Variants in ZFAT observed in about 807,000 individuals in gnomAD.
ZFAT encodes zinc finger protein ZFAT.
A neutral mutation model predicts 117.7 loss-of-function variants in ZFAT; 64 were observed. The observed-to-expected ratio is 0.54, with a 90% confidence interval of 0.44 to 0.67. The LOEUF (loss-of-function observed/expected upper bound fraction) is 0.67, where lower values mean the gene tolerates loss of function less well. ZFAT is among the 30% of genes least tolerant of loss of function. The pLI is 0.00. For missense variants in ZFAT, 1,433 were observed against 1,584.5 expected, an observed-to-expected ratio of 0.90 and a Z score of 1.62; for synonymous variants, 679 against 615.0, an observed-to-expected ratio of 1.10 and a Z score of -1.54.
Position 134,583,988 on chromosome 8 carries a change from A to G in ZFAT, c.2731T>C (p.Cys911Arg). The change falls in exon 10 of 16, where the codon TGT (cysteine) becomes CGT (arginine). Residue 911 changes from cysteine to arginine, a missense_variant. Physicochemically the swap from Cys to Arg is radical, Grantham distance 180 (BLOSUM62 -3). Around this residue, in one of 5 missense-constraint regions of ZFAT, gnomAD observed 503 missense variants for 543.4 expected, o/e 0.93. Transcript: ENST00000377838. ...CGAGTTGCATACTCACACAAAGAACACTTGAAGGGCTTCACACCTGCCAAG... is the reference window on the plus strand; with the variant it reads ...CGAGTTGCATACTCACACAAAGAACGCTTGAAGGGCTTCACACCTGCCAAG... ...WAHEGVKPFK[C>R]SLCEYATRSK... 1 of 1,557,346 alleles carries G rather than the reference A, an allele frequency of 6.4e-7. No homozygotes were observed. Among genetic ancestry groups the G allele is most frequent in the Non-Finnish European group, 8.7e-7 (1 of 1,149,594 alleles).
chr8:134,799,141 A>G, the ZFAT span, among the ~76,000 whole-genome samples: 1 of 152,182 alleles, frequency 6.6e-6, no homozygotes, highest in Non-Finnish European at 1.5e-5. Flanking sequence ...CAAATAAAAT[A>G]TATAATTAGA....
chr8:134,494,577 C>T lies in ZFAT; in HGVS notation c.3492+15042G>A, dbSNP rs558243839. On this transcript the variant is annotated intron_variant, in intron 15 of 15. Coordinates refer to ENST00000377838, the MANE Select transcript of ZFAT (RefSeq NM_020863.4). ...GAACATGAGTGACCTGAAGCCTCCA[C>T]GGAACCCCACCAGGGCCTTGCTGGT... Among the ~76,000 whole-genome samples the T allele has an allele frequency of 4.8e-4, 73 of 152,278 alleles. 1 individual carries two copies. The highest frequency in any genetic ancestry group is 9.0e-4 in the Non-Finnish European group (61 of 68,034).
intron 1 of ZFAT, among the ~76,000 whole-genome samples, chr8:134,671,976 C>A (rs1459132003): frequency 6.6e-6 from 1 of 152,098 alleles, no homozygotes; most frequent in Non-Finnish European, 1.5e-5. Flanking sequence ...AAACAGAGAG[C>A]CAAATCATGA....
the ZFAT span, among the ~76,000 whole-genome samples, chr8:134,807,410 C>G: frequency 1.9e-4 from 28 of 151,292 alleles, no homozygotes; most frequent in Admixed American, 1.8e-3. Context: ...CAGGAAACAA[C>G]ATTTTGTAAC....
At chr8:134,783,124 T>C in the ZFAT span, among the ~76,000 whole-genome samples, 8 of 152,214 alleles carry the variant, frequency 5.3e-5, no homozygotes, top group Non-Finnish European at 1.0e-4. Context: ...CTTCTGTTAC[T>C]TTTTTCTCCA....
chr8:134,513,018 G>A (rs115591077), intron 13 of ZFAT, among the ~76,000 whole-genome samples: 5,393 of 152,252 alleles, frequency 0.035, 320 homozygotes, highest in African/African-American at 0.12. Flanking sequence ...AGAGGAAGGG[G>A]CACAGCCATG....
chr8:134,829,346 G>A, the ZFAT span, among the ~76,000 whole-genome samples: 1 of 152,174 alleles, frequency 6.6e-6, no homozygotes, highest in African/African-American at 2.4e-5. Context: ...GGCCCGGGGA[G>A]GCCAAAAGAT....
the ZFAT span, chr8:134,723,186 G>C: frequency 6.6e-6 from 1 of 152,254 alleles, no homozygotes; most frequent in African/African-American, 2.4e-5. Context: ...CCAATCCCTG[G>C]AGTAACAGGG....
the ZFAT span, among the ~76,000 whole-genome samples, chr8:134,775,560 G>A: frequency 1.3e-5 from 2 of 152,154 alleles, no homozygotes; most frequent in African/African-American, 4.8e-5. Flanking sequence ...CTTGTCCCGA[G>A]AGCCATGAAT....
the ZFAT span, among the ~76,000 whole-genome samples, chr8:134,773,980 ATTAATTTTTTTTTT>A: frequency 2.4e-5 from 3 of 123,632 alleles, no homozygotes; most frequent in African/African-American, 1.0e-4. Flanking sequence ...GAGCTTGAGG[ATTAATTTTTTTTTT>A]TTTTTTTTTT....
chr8:134,499,434 G>T (rs1443119202), intron 15 of ZFAT, among the ~76,000 whole-genome samples: 1 of 148,876 alleles, frequency 6.7e-6, no homozygotes, highest in African/African-American at 2.5e-5. Flanking sequence ...AGCGTGATTT[G>T]GTAGGGTTGG....
chr8:134,507,575 G>A (rs777395661), intron 15 of ZFAT, among the ~76,000 whole-genome samples: 38 of 152,250 alleles, frequency 2.5e-4, no homozygotes, highest in Middle Eastern at 3.4e-3. Flanking sequence ...TTCTCCTCCC[G>A]CAAACACATT....
chr8:134,533,091 C>A, intron 11 of ZFAT, 119 bp from the exon 12 acceptor site: 3 of 1,419,902 alleles, frequency 2.1e-6, no homozygotes, highest in Non-Finnish European at 2.8e-6. Flanking sequence ...GCCCCATCAC[C>A]TGTGATATGT....
chr8:134,482,987 G>A lies in ZFAT; in HGVS notation c.3493-4266C>T, dbSNP rs143059189. On this transcript the variant is annotated intron_variant, in intron 15 of 15. Transcript: ENST00000377838. ...AGACGCTGCCCACACAGATGTCCAC[G>A]TCACAAAAAGCTAACGTGTAGAGAG... is the stretch of plus-strand genomic sequence containing the variant. Among the ~76,000 whole-genome samples the A allele has an allele frequency of 4.6e-5, 7 of 152,254 alleles. No homozygotes were observed. In the East Asian group the frequency reaches 1.2e-3, roughly 25 times the overall value.
At chr8:134,797,704 T>C in the ZFAT span, 2 of 151,952 alleles carry the variant, frequency 1.3e-5, no homozygotes, top group African/African-American at 4.8e-5. Flanking sequence ...CTAGTTGTTT[T>C]TCATAAAAGT....
intron 15 of ZFAT, among the ~76,000 whole-genome samples, chr8:134,499,477 A>T (rs1384188757): frequency 1.3e-4 from 19 of 146,840 alleles, no homozygotes; most frequent in Middle Eastern, 3.6e-3. Flanking sequence ...TGCTGGTTAC[A>T]CACAGAGCCT....
Position 134,590,049 on chromosome 8 carries a change from G to T in ZFAT, c.2563+219C>A, listed in dbSNP as rs369404087. Among the ~76,000 whole-genome samples, 4 of 152,326 alleles carry T rather than the reference G, an allele frequency of 2.6e-5. No individual in the cohort carries two copies. In the East Asian group the frequency reaches 7.7e-4, roughly 29 times the overall value. On this transcript the variant is annotated intron_variant, in intron 8 of 15. Transcript: ENST00000377838. ...AGAGGGTATCACTGAAATTGCAGGGGTGAGGGTTGATGCATCTGAAGACCA... is the reference window on the plus strand; with the variant it reads ...AGAGGGTATCACTGAAATTGCAGGGTTGAGGGTTGATGCATCTGAAGACCA...
chr8:134,827,961 T>G, the ZFAT span, among the ~76,000 whole-genome samples: 1 of 152,184 alleles, frequency 6.6e-6, no homozygotes, highest in Admixed American at 6.5e-5. Flanking sequence ...TTATAATTTC[T>G]AATCATTACC....
chr8:134,526,864 T>C (rs1256686425), intron 12 of ZFAT, among the ~76,000 whole-genome samples: 1 of 151,866 alleles, frequency 6.6e-6, no homozygotes, highest in Admixed American at 6.6e-5. Context: ...TTTTTTGAGA[T>C]GAGCCACTGC....
Sources: gnomAD v4.1 joint callset for allele counts (sites outside exome capture counted in the v4.1 genomes callset) on GRCh38, gnomAD v4.1.1 for gene constraint, gnomAD v4.1.1 regional missense constraint, MANE v1.5 for transcripts, NCBI Gene and HGNC (gene_info 2026-07-23, HGNC 2026-07-21) for gene names.